The following STXBP4 variants were observed in gnomAD, a reference collection of about 807,000 sequenced individuals.
The protein encoded by STXBP4 is syntaxin binding protein 4.
Under a neutral mutation model 76.1 loss-of-function variants are expected in STXBP4, and 55 were observed. The ratio of observed to expected loss-of-function variants is 0.72; its 90% CI spans 0.58 to 0.91. The LOEUF (loss-of-function observed/expected upper bound fraction) is 0.91. Ranked by LOEUF, STXBP4 falls within the 40% of genes least tolerant of loss-of-function variation. The probability of loss-of-function intolerance (pLI) is 0.00; values close to 1 mark genes in which losing one functional copy is unlikely to be tolerated. For missense variants in STXBP4, 618 were observed against 636.9 expected, an observed-to-expected ratio of 0.97 and a Z score of 0.32; for synonymous variants, 201 against 220.2, an observed-to-expected ratio of 0.91 and a Z score of 0.77.
At chr17:55,096,955 TA>T (rs2079494773) in intron 16 of STXBP4, among the ~76,000 whole-genome samples, 2 of 152,194 alleles carry the variant, frequency 1.3e-5, no homozygotes, top group South Asian at 4.1e-4. Flanking sequence ...TTTGCATCTT[TA>T]GTGACAAACA....
intron 16 of STXBP4, among the ~76,000 whole-genome samples, chr17:55,137,606 C>T (rs1598343396): frequency 6.6e-6 from 1 of 151,998 alleles, no homozygotes; most frequent in East Asian, 1.9e-4. Context: ...GCTGTGTGAC[C>T]TTGGGAAAGT....
chr17:55,139,983 A>G (rs1430688550), intron 16 of STXBP4, among the ~76,000 whole-genome samples: 1 of 152,140 alleles, frequency 6.6e-6, no homozygotes, highest in Non-Finnish European at 1.5e-5. Flanking sequence ...GCAAATGGCG[A>G]TAGAGTAAGG....
chr17:54,995,387 A>G (rs1321256112), intron 4 of STXBP4, among the ~76,000 whole-genome samples: 1 of 152,222 alleles, frequency 6.6e-6, no homozygotes, highest in African/African-American at 2.4e-5. Context: ...GACAGAAATC[A>G]AAATCCTCTC....
intron 12 of STXBP4, among the ~76,000 whole-genome samples, chr17:55,051,517 G>C (rs2078858747): frequency 1.3e-5 from 2 of 152,062 alleles, no homozygotes; most frequent in African/African-American, 4.8e-5. Flanking sequence ...ATGCTTTATA[G>C]GTCTGAGCAA....
At chr17:55,192,499 G>A in the STXBP4 span, among the ~76,000 whole-genome samples, 5 of 152,102 alleles carry the variant, frequency 3.3e-5, no homozygotes, top group East Asian at 3.8e-4. Context: ...ACACACACAC[G>A]CCACCTTCAA....
intron 16 of STXBP4, among the ~76,000 whole-genome samples, chr17:55,086,433 A>G (rs1291992372): frequency 6.6e-6 from 1 of 152,132 alleles, no homozygotes; most frequent in African/African-American, 2.4e-5. Context: ...ATTTCAAACT[A>G]TATAGTACAT....
chr17:55,016,048 A>G (rs889203821), intron 8 of STXBP4, among the ~76,000 whole-genome samples: 1 of 152,122 alleles, frequency 6.6e-6, no homozygotes, highest in Non-Finnish European at 1.5e-5. Context: ...GTTCTCCAGA[A>G]TACATCTTAA....
intron 16 of STXBP4, among the ~76,000 whole-genome samples, chr17:55,093,811 TTTG>T (rs1436127771): frequency 6.6e-6 from 1 of 152,188 alleles, no homozygotes; most frequent in African/African-American, 2.4e-5. Flanking sequence ...TCCAGAACTA[TTTG>T]TTGAGTGTCT....
intron 16 of STXBP4, among the ~76,000 whole-genome samples, chr17:55,089,068 G>T (rs565934547): frequency 6.6e-6 from 1 of 152,108 alleles, no homozygotes; most frequent in South Asian, 2.1e-4. Context: ...TTAATTTCTA[G>T]GTCTGTTTTT....
chr17:55,056,253 A>G (rs2078921772), intron 12 of STXBP4, among the ~76,000 whole-genome samples: 1 of 152,180 alleles, frequency 6.6e-6, no homozygotes, highest in Non-Finnish European at 1.5e-5. Context: ...AATATTTTTA[A>G]AATTCATTAT....
chr17:54,990,377 C>T (rs978153920), intron 3 of STXBP4, among the ~76,000 whole-genome samples: 2 of 152,116 alleles, frequency 1.3e-5, no homozygotes, highest in Non-Finnish European at 2.9e-5. Flanking sequence ...ATTCAATGCT[C>T]ATAGGAGCAT....
intron 1 of STXBP4, among the ~76,000 whole-genome samples, chr17:54,972,024 C>T (rs2077408118): frequency 6.6e-6 from 1 of 152,148 alleles, no homozygotes; most frequent in South Asian, 2.1e-4. Flanking sequence ...GTTTGTGACC[C>T]CTTGACAGGA....
intron 4 of STXBP4, among the ~76,000 whole-genome samples, chr17:54,998,326 A>G (rs1308632875): frequency 6.6e-6 from 1 of 152,234 alleles, no homozygotes; most frequent in Non-Finnish European, 1.5e-5. Flanking sequence ...CTGTAGTTAT[A>G]AAAATAATGG....
In STXBP4 at chr17:55,167,765, T is replaced by C. The variant is rs1339937690; in HGVS notation, c.*7854T>C. 1.3e-5 allele frequency: 2 copies of C among 152,180 alleles called. No individual in the cohort carries two copies. Among genetic ancestry groups the C allele is most frequent in the Non-Finnish European group, 2.9e-5 (2 of 68,018 alleles). The allele number at this position is 152,180 out of a possible 1,614,324, so 9.4% of individuals were successfully genotyped here. On this transcript the variant is annotated 3_prime_UTR_variant, in exon 18 of 18. Coordinates refer to ENST00000376352, the MANE Select transcript of STXBP4 (RefSeq NM_178509.6). ...TATGTATTGCCACAGAACTCTGAAA[T>C]TGCAGAAATTATCTCATCTATAAGT...
chr17:55,049,052 T>C (rs957223174), intron 12 of STXBP4, among the ~76,000 whole-genome samples: 3 of 151,928 alleles, frequency 2.0e-5, no homozygotes, highest in Admixed American at 1.3e-4. Context: ...TAGACCAGCA[T>C]TGGGTTTCTC....
At chr17:54,979,036 A>T (rs1183467381) in intron 1 of STXBP4, among the ~76,000 whole-genome samples, 6 of 152,152 alleles carry the variant, frequency 3.9e-5, no homozygotes. Flanking sequence ...CTGTAATGAT[A>T]CTTATGAACT....
At chr17:55,151,206 T>C (rs1417296052) in intron 17 of STXBP4, among the ~76,000 whole-genome samples, 1 of 152,188 alleles carries the variant, frequency 6.6e-6, no homozygotes, top group Admixed American at 6.5e-5. Flanking sequence ...AATTTGTTAC[T>C]GCAGTAGCAA....
At chr17:55,108,006 A>G (rs2079657205) in intron 16 of STXBP4, among the ~76,000 whole-genome samples, 1 of 152,218 alleles carries the variant, frequency 6.6e-6, no homozygotes, top group South Asian at 2.1e-4. Flanking sequence ...AAGTCTGCTG[A>G]AGCTGTGGCC....
chr17:55,028,192 G>A (rs924552131), intron 8 of STXBP4, among the ~76,000 whole-genome samples: 3 of 151,992 alleles, frequency 2.0e-5, no homozygotes, highest in South Asian at 2.1e-4. Context: ...AATTCTTACA[G>A]CTGCTGAAGT....
Sources: allele counts gnomAD v4.1 joint callset (sites outside exome capture counted in the v4.1 genomes callset), GRCh38; gene constraint gnomAD v4.1.1; transcripts MANE v1.5; gene names NCBI Gene and HGNC (gene_info 2026-07-23, HGNC 2026-07-21).